Variants in TP53INP2 observed in about 807,000 individuals in gnomAD.
TP53INP2 encodes tumor protein p53 inducible nuclear protein 2.
Under a neutral mutation model 17.1 loss-of-function variants are expected in TP53INP2, and 12 were observed. The observed-to-expected ratio is 0.70, with a 90% CI of 0.45 to 1.14. TP53INP2 has a LOEUF of 1.14. Among genes scored for constraint, TP53INP2 ranks in the 50% most tolerant of loss-of-function variants. The pLI is 0.00. For missense variants in TP53INP2, 342 were observed against 330.9 expected, an observed-to-expected ratio of 1.03 and a Z score of -0.26; for synonymous variants, 145 against 147.3, an observed-to-expected ratio of 0.98 and a Z score of 0.12.
chr20:34,709,500 T>A lies in TP53INP2; in HGVS notation c.389T>A (p.Leu130Gln), dbSNP rs899327162. 2 of 1,609,832 alleles carry A rather than the reference T, an allele frequency of 1.2e-6. No individual in the cohort carries two copies. The change falls in exon 4 of 5, where the codon CTG (leucine) becomes CAG (glutamine). Residue 130 changes from leucine (L) to glutamine (Q), a missense_variant. Leu to Gln is a moderately radical substitution (Grantham distance 113). Transcript: ENST00000374810. This position sits in a 1 kb window ranked among gnomAD's most constrained non-coding sequence, Gnocchi z 5.4. ...CCTTCCCCGCTCCCGGACGCGGCCC[T>A]GCCTGACGGCGACCTCAGCGAAGGG... The part of the protein sequence containing the change: ...GSPSPLPDAA[L>Q]PDGDLSEGEL...
In TP53INP2 at chr20:34,709,558, G is replaced by T; in HGVS notation, c.413+34G>T. 6.3e-7 allele frequency: 1 copy of T among 1,581,740 alleles called. No homozygotes were observed. ...GCCGGGGGCGGAGCCTGGAGGCCCA[G>T]GGAGACGGATCTTGGAGGCCAGGGT... On this transcript the variant is annotated intron_variant, in intron 4 of 4. Coordinates refer to ENST00000374810, the MANE Select transcript of TP53INP2 (RefSeq NM_021202.3). This position sits in a 1 kb window ranked among gnomAD's most constrained non-coding sequence, Gnocchi z 5.4.
At position 34,710,004 on chromosome 20, in the gene TP53INP2, T is replaced by A; in HGVS notation, c.414-54T>A. On this transcript the variant is annotated intron_variant, in intron 4 of 4. Transcript: ENST00000374810. This position sits in a 1 kb window ranked among gnomAD's most constrained non-coding sequence, Gnocchi z 4.9. ...AAGGGTGGGAGATGGCAGCGCCCTC[T>A]AGACCCCCCGCCCAGCTTACCCGGC... 1 of 497,156 alleles carries A rather than the reference T, an allele frequency of 2.0e-6. No homozygotes were observed. The highest frequency in any genetic ancestry group is 2.7e-6 in the Non-Finnish European group (1 of 376,028). 30.8% of individuals were successfully genotyped at this position (497,156 alleles called of 1,614,324 possible). A position where few individuals can be genotyped will look rare whatever the true frequency, so the allele number is the denominator to read the frequency against.
At chr20:34,706,946 G>A (rs1161495917) in intron 2 of TP53INP2, among the ~76,000 whole-genome samples, 1 of 152,126 alleles carries the variant, frequency 6.6e-6, no homozygotes, top group Non-Finnish European at 1.5e-5. Context: ...GGTACTGGGG[G>A]AGTATGGCCA....
chr20:34,708,672 A>G lies in TP53INP2; in HGVS notation c.-49-19A>G. Reference sequence around the variant, plus strand: ...TGAACCTCAATCAGTGGTGGCTCTCACGTCCTTCTGATTCCCAGGTTTTTG... The same window carrying G: ...TGAACCTCAATCAGTGGTGGCTCTCGCGTCCTTCTGATTCCCAGGTTTTTG... On this transcript the variant is annotated intron_variant, in intron 2 of 4. Coordinates refer to ENST00000374810, the MANE Select transcript of TP53INP2 (RefSeq NM_021202.3). The G allele has an allele frequency of 6.7e-7, 1 of 1,500,346 alleles. No individual in the cohort carries two copies. Among genetic ancestry groups the G allele is most frequent in the Non-Finnish European group, 9.0e-7 (1 of 1,114,404 alleles). 92.9% of individuals were successfully genotyped at this position (1,500,346 alleles called of 1,614,324 possible). A position where few individuals can be genotyped will look rare whatever the true frequency, so the allele number is the denominator to read the frequency against.
At position 34,710,083 on chromosome 20, in the gene TP53INP2, C is replaced by T; in HGVS notation, c.439C>T (p.Pro147Ser). 2 of 1,277,744 alleles carry T rather than the reference C, an allele frequency of 1.6e-6. No homozygotes were observed. Among genetic ancestry groups the T allele is most frequent in the Non-Finnish European group, 2.0e-6 (2 of 1,015,868 alleles). The allele number at this position is 1,277,744 out of a possible 1,614,324, so 79.2% of individuals were successfully genotyped here. A position where few individuals can be genotyped will look rare whatever the true frequency, so the allele number is the denominator to read the frequency against. Reference protein sequence around the residue: ...EGELTPARREPRAARHAAPLP... With the variant: ...EGELTPARRESRAARHAAPLP... ...GGAATTGACGCCCGCCCGCCGCGAG[C>T]CGCGGGCCGCGCGCCACGCCGCTCC... The change falls in exon 5 of 5, where the codon CCG (proline) becomes TCG (serine). Residue 147 changes from proline (P) to serine (S), a missense_variant. Physicochemically the swap from Pro to Ser is moderately conservative, Grantham distance 74. Transcript: ENST00000374810. This position sits in a 1 kb window ranked among gnomAD's most constrained non-coding sequence, Gnocchi z 4.9.
chr20:34,709,581 G>C lies in TP53INP2; in HGVS notation c.413+57G>C. ...CAGGGAGACGGATCTTGGAGGCCAG[G>C]GTCCAGGCTAGGAGGCTGGGGTAGT... On this transcript the variant is annotated intron_variant, in intron 4 of 4. Coordinates refer to ENST00000374810, the MANE Select transcript of TP53INP2 (RefSeq NM_021202.3). This position sits in a 1 kb window ranked among gnomAD's most constrained non-coding sequence, Gnocchi z 5.4. 4 of 1,540,726 alleles carry C rather than the reference G, an allele frequency of 2.6e-6. No individual in the cohort carries two copies. Among genetic ancestry groups the C allele is most frequent in the Non-Finnish European group, 3.5e-6 (4 of 1,151,160 alleles).
chr20:34,713,142 C>T lies in TP53INP2; in HGVS notation c.*2835C>T, dbSNP rs1988253062. 1.3e-5 allele frequency: 2 copies of T among 152,698 alleles called. No individual in the cohort carries two copies. The highest frequency in any genetic ancestry group is 1.3e-4 in the Admixed American group (2 of 15,282). The allele number at this position is 152,698 out of a possible 1,614,324, so 9.5% of individuals were successfully genotyped here. On this transcript the variant is annotated 3_prime_UTR_variant, in exon 5 of 5. Transcript: ENST00000374810. ...TTTATGTGAGGGGACTGAATGCAGA[C>T]ACACCATAGCCCCCTTCTACTACTT...
intron 2 of TP53INP2, 62 bp downstream of exon 2, chr20:34,705,536 G>A (rs1408351487): frequency 6.6e-6 from 1 of 152,206 alleles, no homozygotes; most frequent in African/African-American, 2.4e-5. Flanking sequence ...GGTGGGGTGA[G>A]GGTTCCCTCT....
At position 34,709,819 on chromosome 20, in the gene TP53INP2, A is replaced by C. The variant is rs1988123676; in HGVS notation, c.414-239A>C. ...CTGGAGCGCCTAGGGAGTGGGACTT[A>C]AACAGAAAGGCAAGGGTGGAATAGG... On this transcript the variant is annotated intron_variant, in intron 4 of 4. Coordinates refer to ENST00000374810, the MANE Select transcript of TP53INP2 (RefSeq NM_021202.3). The surrounding 1 kb of genome is among the most constrained non-coding windows in gnomAD (Gnocchi z 5.4). Among the ~76,000 whole-genome samples, 1 of 151,988 alleles carries C rather than the reference A, an allele frequency of 6.6e-6. No individual in the cohort carries two copies. Among genetic ancestry groups the C allele is most frequent in the African/African-American group, 2.4e-5 (1 of 41,368 alleles).
At position 34,708,611 on chromosome 20, in the gene TP53INP2, A is replaced by G. The variant is rs749260148; in HGVS notation, c.-49-80A>G. The G allele has an allele frequency of 1.4e-4, 105 of 774,536 alleles. No homozygotes were observed. In the Admixed American group the frequency reaches 1.9e-3, roughly 14 times the overall value. The allele number at this position is 774,536 out of a possible 1,614,324, so 48.0% of individuals were successfully genotyped here. On this transcript the variant is annotated intron_variant, in intron 2 of 4. Coordinates refer to ENST00000374810, the MANE Select transcript of TP53INP2 (RefSeq NM_021202.3). The stretch of plus-strand genomic sequence containing the variant: ...TACCCTTCTCCCTGCTCTGGGGGTG[A>G]TATCTTCTGGCCTCTTCCCCAGGCC...
chr20:34,704,810 G>A (rs938627943), intron 1 of TP53INP2: 1 of 152,334 alleles, frequency 6.6e-6, no homozygotes, highest in Non-Finnish European at 1.5e-5. Flanking sequence ...GGGGCTGCAG[G>A]GGGATCGGCG....
In TP53INP2 at chr20:34,712,281, C is replaced by G. The variant is rs1239734397; in HGVS notation, c.*1974C>G. On this transcript the variant is annotated 3_prime_UTR_variant, in exon 5 of 5. Transcript: ENST00000374810. ...TCCAAGAGCTGAATCTCCCTCCAACCCTTCTTGCCTACTCCTCACTGCCAG... is the reference window on the plus strand; with the variant it reads ...TCCAAGAGCTGAATCTCCCTCCAACGCTTCTTGCCTACTCCTCACTGCCAG... 6.5e-6 allele frequency: 1 copy of G among 152,714 alleles called. No homozygotes were observed. Among genetic ancestry groups the G allele is most frequent in the Admixed American group, 6.5e-5 (1 of 15,272 alleles). 9.5% of individuals were successfully genotyped at this position (152,714 alleles called of 1,614,324 possible). A position where few individuals can be genotyped will look rare whatever the true frequency, so the allele number is the denominator to read the frequency against.
chr20:34,706,537 G>T (rs1165742100), intron 2 of TP53INP2, among the ~76,000 whole-genome samples: 1 of 152,202 alleles, frequency 6.6e-6, no homozygotes, highest in Admixed American at 6.5e-5. Flanking sequence ...GGCTACATAT[G>T]GGTTGGGATA....
Position 34,709,601 on chromosome 20 carries a change from G to A in TP53INP2, c.413+77G>A, listed in dbSNP as rs1988113788. The A allele has an allele frequency of 2.0e-6, 3 of 1,484,202 alleles. No individual in the cohort carries two copies. Among genetic ancestry groups the A allele is most frequent in the South Asian group, 1.3e-5 (1 of 75,010 alleles). 91.9% of individuals were successfully genotyped at this position (1,484,202 alleles called of 1,614,324 possible). A position where few individuals can be genotyped will look rare whatever the true frequency, so the allele number is the denominator to read the frequency against. ...GCCAGGGTCCAGGCTAGGAGGCTGG[G>A]GTAGTGGGGCCAGGAGCCCGCCCCG... On this transcript the variant is annotated intron_variant, in intron 4 of 4. Coordinates refer to ENST00000374810, the MANE Select transcript of TP53INP2 (RefSeq NM_021202.3). The surrounding 1 kb of genome is among the most constrained non-coding windows in gnomAD (Gnocchi z 5.4).
chr20:34,707,886 C>A (rs1004017241), intron 2 of TP53INP2, among the ~76,000 whole-genome samples: 12 of 152,192 alleles, frequency 7.9e-5, no homozygotes, highest in African/African-American at 2.9e-4. Flanking sequence ...GATTCTCCTG[C>A]CTCAGCCTGG....
At position 34,709,101 on chromosome 20, in the gene TP53INP2, G is replaced by C; in HGVS notation, c.125-135G>C. The C allele has an allele frequency of 7.0e-7, 1 of 1,435,750 alleles. No individual in the cohort carries two copies. The highest frequency in any genetic ancestry group is 9.1e-7 in the Non-Finnish European group (1 of 1,097,828). 88.9% of individuals were successfully genotyped at this position (1,435,750 alleles called of 1,614,324 possible). ...GCCTGGCCCGTGGGTGCCCCGGGGC[G>C]CTGCGGACGGGCTGCGGGTCTGACT... On this transcript the variant is annotated intron_variant, in intron 3 of 4. Transcript: ENST00000374810. The surrounding 1 kb of genome is among the most constrained non-coding windows in gnomAD (Gnocchi z 5.4).
Position 34,709,132 on chromosome 20 carries a change from T to C in TP53INP2, c.125-104T>C. ...GACGGGCTGCGGGTCTGACTAACGA[T>C]GCCCTTTCTCTCCCCGCCCCCTTGT... On this transcript the variant is annotated intron_variant, in intron 3 of 4. Transcript: ENST00000374810. This position sits in a 1 kb window ranked among gnomAD's most constrained non-coding sequence, Gnocchi z 5.4. 1 of 1,451,248 alleles carries C rather than the reference T, an allele frequency of 6.9e-7. No individual in the cohort carries two copies. The highest frequency in any genetic ancestry group is 2.7e-5 in the Admixed American group (1 of 37,024). 89.9% of individuals were successfully genotyped at this position (1,451,248 alleles called of 1,614,324 possible).
chr20:34,709,847 G>C lies in TP53INP2; in HGVS notation c.414-211G>C, dbSNP rs1030604646. On this transcript the variant is annotated intron_variant, in intron 4 of 4. Coordinates refer to ENST00000374810, the MANE Select transcript of TP53INP2 (RefSeq NM_021202.3). This position sits in a 1 kb window ranked among gnomAD's most constrained non-coding sequence, Gnocchi z 5.4. ...CAGAAAGGCAAGGGTGGAATAGGGG[G>C]TGGGGGTCCAGTCTCCCCCGAGGTC... 2.6e-5 allele frequency among the ~76,000 whole-genome samples: 4 copies of C among 152,130 alleles called. No individual in the cohort carries two copies. Among genetic ancestry groups the C allele is most frequent in the Non-Finnish European group, 5.9e-5 (4 of 68,008 alleles).
chr20:34,709,328 G>T lies in TP53INP2; in HGVS notation c.217G>T (p.Val73Phe). 6.2e-7 allele frequency: 1 copy of T among 1,613,388 alleles called. No individual in the cohort carries two copies. Among genetic ancestry groups the T allele is most frequent in the Non-Finnish European group, 8.5e-7 (1 of 1,179,782 alleles). The part of the protein sequence containing the change: ...APSLMDESWF[V>F]TPPACFTAEG... ...CTCCTTGATGGACGAGAGCTGGTTT[G>T]TTACCCCTCCCGCCTGTTTTACGGC... is the stretch of plus-strand genomic sequence containing the variant. Residue 73 changes from valine to phenylalanine, a missense_variant, in exon 4 of 5, where the codon GTT becomes TTT. By Grantham distance (50) the Val-to-Phe change is conservative. Transcript: ENST00000374810. The surrounding 1 kb of genome is among the most constrained non-coding windows in gnomAD (Gnocchi z 5.4).
Sources: gnomAD v4.1 joint callset for allele counts (sites outside exome capture counted in the v4.1 genomes callset) on GRCh38, gnomAD v4.1.1 for gene constraint, Gnocchi (gnomAD v3.1) non-coding constraint, MANE v1.5 for transcripts, NCBI Gene and HGNC (gene_info 2026-07-23, HGNC 2026-07-21) for gene names.